The following NUBPL variants were observed in gnomAD, a reference collection of about 807,000 sequenced individuals.
NUBPL encodes the protein NUBP iron-sulfur cluster assembly factor, mitochondrial, also known as iron-sulfur cluster transfer protein NUBPL.
NUBPL carries 31 observed loss-of-function variants against 45.7 expected under a neutral mutation model. That is an observed-to-expected ratio of 0.68 (90% CI 0.51 to 0.92). The LOEUF (loss-of-function observed/expected upper bound fraction) is 0.92, where lower values mean the gene tolerates loss of function less well. Among genes scored for constraint, NUBPL ranks in the 40% least tolerant of loss-of-function variants. NUBPL has a pLI of 0.00. For missense variants in NUBPL, 401 were observed against 398.7 expected, an observed-to-expected ratio of 1.01 and a Z score of -0.05; for synonymous variants, 144 against 140.9, an observed-to-expected ratio of 1.02 and a Z score of -0.15.
chr14:31,730,135 A>T (rs2038017999), intron 6 of NUBPL, among the ~76,000 whole-genome samples: 1 of 152,264 alleles, frequency 6.6e-6, no homozygotes, highest in Non-Finnish European at 1.5e-5. Context: ...TAAAAATTGG[A>T]TAAAATATGA....
intron 6 of NUBPL, among the ~76,000 whole-genome samples, chr14:31,725,520 T>A (rs374473193): frequency 1.1e-4 from 17 of 152,280 alleles, no homozygotes; most frequent in African/African-American, 4.1e-4. Flanking sequence ...AATTTACTTA[T>A]GTTTCATATA....
At chr14:31,811,550 G>A (rs1021553776) in intron 7 of NUBPL, among the ~76,000 whole-genome samples, 4 of 152,066 alleles carry the variant, frequency 2.6e-5, no homozygotes, top group South Asian at 2.1e-4. Flanking sequence ...GCTTCCTTAC[G>A]ATGGGTTCAA....
chr14:31,791,503 G>C (rs921656830), intron 7 of NUBPL, among the ~76,000 whole-genome samples: 65 of 152,044 alleles, frequency 4.3e-4, no homozygotes, highest in African/African-American at 1.5e-3. Flanking sequence ...TTTTCTCCAG[G>C]AAAATATATT....
At chr14:31,661,300 T>C (rs1196918178) in intron 4 of NUBPL, among the ~76,000 whole-genome samples, 2 of 152,234 alleles carry the variant, frequency 1.3e-5, no homozygotes, top group African/African-American at 4.8e-5. Flanking sequence ...TAATGGCCTC[T>C]TCAAAAAGCT....
intron 6 of NUBPL, among the ~76,000 whole-genome samples, chr14:31,701,577 A>C (rs1015146294): frequency 2.0e-5 from 3 of 152,194 alleles, no homozygotes; most frequent in African/African-American, 7.2e-5. Flanking sequence ...TGTAACACTC[A>C]CTGCGAAGGT....
At chr14:31,735,747 G>C (rs918813649) in intron 6 of NUBPL, among the ~76,000 whole-genome samples, 72 of 152,260 alleles carry the variant, frequency 4.7e-4, no homozygotes, top group Non-Finnish European at 2.6e-4. Flanking sequence ...AGCTACTCGG[G>C]AGGCTGAGGC....
intron 6 of NUBPL, among the ~76,000 whole-genome samples, chr14:31,717,910 A>G (rs538283839): frequency 6.6e-6 from 1 of 152,302 alleles, no homozygotes; most frequent in South Asian, 2.1e-4. Flanking sequence ...TCACAGAAAC[A>G]TAGTAAGATA....
chr14:31,705,739 C>A (rs1044430188), intron 6 of NUBPL, among the ~76,000 whole-genome samples: 1 of 152,324 alleles, frequency 6.6e-6, no homozygotes, highest in African/African-American at 2.4e-5. Context: ...AAAAATTCTC[C>A]AGGTCCCCAC....
At chr14:31,686,406 A>G (rs2036953584) in intron 6 of NUBPL, among the ~76,000 whole-genome samples, 1 of 152,224 alleles carries the variant, frequency 6.6e-6, no homozygotes, top group Non-Finnish European at 1.5e-5. Flanking sequence ...CTGGTAGAAG[A>G]AAAGGTGTGA....
intron 6 of NUBPL, among the ~76,000 whole-genome samples, chr14:31,704,850 C>G (rs2037412472): frequency 6.6e-6 from 1 of 152,164 alleles, no homozygotes; most frequent in African/African-American, 2.4e-5. Flanking sequence ...CTTGGTCTCG[C>G]TGACTTCAAG....
At chr14:31,748,642 T>G (rs2038453531) in intron 6 of NUBPL, among the ~76,000 whole-genome samples, 1 of 152,168 alleles carries the variant, frequency 6.6e-6, no homozygotes, top group African/African-American at 2.4e-5. Flanking sequence ...AGACAGAGTC[T>G]TTCTTTGTTG....
chr14:31,706,554 T>C (rs932084093), intron 6 of NUBPL, among the ~76,000 whole-genome samples: 1 of 152,232 alleles, frequency 6.6e-6, no homozygotes, highest in Non-Finnish European at 1.5e-5. Flanking sequence ...TTCAGAAGCC[T>C]TTTCCTGTAA....
chr14:31,580,849 G>C (rs754308989), intron 3 of NUBPL, among the ~76,000 whole-genome samples: 17 of 152,184 alleles, frequency 1.1e-4, no homozygotes, highest in Non-Finnish European at 8.8e-5. Flanking sequence ...CATGTGATTG[G>C]AGTGGTCTAG....
intron 4 of NUBPL, among the ~76,000 whole-genome samples, chr14:31,645,798 T>C (rs2035835865): frequency 7.5e-6 from 1 of 133,476 alleles, no homozygotes; most frequent in Non-Finnish European, 1.6e-5. Flanking sequence ...ATTTTGACTT[T>C]TGTTGTGTCA....
intron 7 of NUBPL, among the ~76,000 whole-genome samples, chr14:31,806,172 A>G (rs918915021): frequency 6.6e-5 from 10 of 152,212 alleles, no homozygotes; most frequent in Non-Finnish European, 1.2e-4. Context: ...CATCTTAAGT[A>G]TGACAGTATT....
chr14:31,762,735 T>G (rs2038839034), intron 6 of NUBPL, among the ~76,000 whole-genome samples: 1 of 152,174 alleles, frequency 6.6e-6, no homozygotes, highest in Non-Finnish European at 1.5e-5. Flanking sequence ...CCCACACTGC[T>G]AATGGGTGTG....
At chr14:31,741,086 A>G (rs1048764275) in intron 6 of NUBPL, among the ~76,000 whole-genome samples, 1 of 152,304 alleles carries the variant, frequency 6.6e-6, no homozygotes, top group East Asian at 1.9e-4. Flanking sequence ...TGATAATTCC[A>G]GTATTATTGC....
rs559246392 is a variant in NUBPL at position 31,704,517 on chromosome 14, G to A, written c.513+30943G>A. 3.3e-5 allele frequency among the ~76,000 whole-genome samples: 5 copies of A among 152,146 alleles called. No homozygotes were observed. The East Asian group carries it at 9.7e-4, about 30-fold the overall frequency. ...CGTCTCTACTAAAAATACAAAATTA[G>A]CCAGGCATGGTGGTGCATGCCTGTA... On this transcript the variant is annotated intron_variant, in intron 6 of 10. Transcript: ENST00000281081.
intron 6 of NUBPL, among the ~76,000 whole-genome samples, chr14:31,725,317 A>G (rs910835331): frequency 7.9e-5 from 12 of 152,298 alleles, no homozygotes; most frequent in African/African-American, 9.6e-5. Context: ...CTACAAATCC[A>G]GTTTGTTTTG....
Sources: allele counts gnomAD v4.1 joint callset (sites outside exome capture counted in the v4.1 genomes callset), GRCh38; gene constraint gnomAD v4.1.1; transcripts MANE v1.5; gene names NCBI Gene and HGNC (gene_info 2026-07-23, HGNC 2026-07-21).